GEMIN8: variants seen among roughly 807,000 people sequenced by gnomAD.
GEMIN8 encodes the protein gem-associated protein 8.
For missense variants in GEMIN8, 185 were observed against 205.9 expected (o/e 0.90, Z 0.62); for synonymous variants, 80 against 78.5 (o/e 1.02, Z -0.10).
chrX:13,985,163 T>G, the GEMIN8 span, among the ~76,000 whole-genome samples: 1 of 111,506 alleles, frequency 9.0e-6, no homozygotes, highest in Non-Finnish European at 1.9e-5. Flanking sequence ...TGAACATGCT[T>G]GGCTCAGGAT....
rs753986836 is a variant in GEMIN8 at position 14,020,086 on chromosome X, T to G, written c.464A>C (p.Glu155Ala). The G allele has an allele frequency of 8.5e-7, 1 of 1,178,357 alleles. No homozygotes were observed. Among genetic ancestry groups the G allele is most frequent in the South Asian group, 1.8e-5 (1 of 55,257 alleles). The change falls in exon 4 of 5, where the codon GAA becomes GCA. Residue 155 changes from glutamate (E) to alanine (A), a missense_variant. By Grantham distance (107) the Glu-to-Ala change is moderately radical (BLOSUM62 -1). Transcript: ENST00000680255. ...QYFAETERHR[E>A]ERRRQQQLDA... ...CAGAGGCCTGAACTTACGTCGTTCT[T>G]CTCTATGCCTCTCGGTCTCTGCAAA... is the stretch of plus-strand genomic sequence containing the variant.
intron 4 of GEMIN8, among the ~76,000 whole-genome samples, chrX:14,010,258 C>A (rs774335301): frequency 8.2e-4 from 91 of 111,644 alleles, no homozygotes; most frequent in African/African-American, 2.9e-3. Flanking sequence ...ATGGCAAGTC[C>A]CAATATCATA....
At chrX:13,989,629 C>T in the GEMIN8 span, among the ~76,000 whole-genome samples, 3 of 112,489 alleles carry the variant, frequency 2.7e-5, no homozygotes, top group African/African-American at 3.2e-5. Context: ...ATTTGTACAG[C>T]GTTGTTAGGT....
downstream of GEMIN8, among the ~76,000 whole-genome samples, chrX:14,002,316 A>G (rs1393276639): frequency 1.1e-5 from 1 of 92,584 alleles, no homozygotes; most frequent in Admixed American, 1.3e-4. Flanking sequence ...ATGGGTAGAG[A>G]TAGATAGATA....
chrX:14,020,340 A>C lies in GEMIN8; in HGVS notation c.210T>G (p.Ala70=). 8.3e-7 allele frequency: 1 copy of C among 1,210,471 alleles called. No homozygotes were observed. Among genetic ancestry groups the C allele is most frequent in the Non-Finnish European group, 1.1e-6 (1 of 894,000 alleles). ...LLPQSSYDNE[A]AYPQSFYDHH... is the part of the protein sequence containing the mutation. ...GGTCATAGAAGGACTGAGGATACGC[A>C]GCCTCATTATCGTAAGAGCTTTGGG... The change falls in exon 4 of 5, where the codon GCT becomes GCG. Residue 70 remains alanine, a synonymous_variant. Coordinates refer to ENST00000680255, the MANE Select transcript of GEMIN8 (RefSeq NM_001042479.2).
chrX:14,005,243 G>C (rs1242844412), downstream of GEMIN8, among the ~76,000 whole-genome samples: 1 of 110,834 alleles, frequency 9.0e-6, no homozygotes, highest in African/African-American at 3.3e-5. Context: ...CCAGCTGCCA[G>C]GGGAACCAAC....
In GEMIN8 at chrX:14,008,406, C is replaced by T. The variant is rs542239457; in HGVS notation, c.*507G>A. 8.7e-6 allele frequency: 1 copy of T among 115,402 alleles called. No homozygotes were observed. The highest frequency in any genetic ancestry group is 1.8e-5 in the Non-Finnish European group (1 of 55,753). The allele number at this position is 115,402 out of a possible 1,213,427, so 9.5% of individuals were successfully genotyped here. A position where few individuals can be genotyped will look rare whatever the true frequency, so the allele number is the denominator to read the frequency against. On this transcript the variant is annotated 3_prime_UTR_variant, in exon 5 of 5. Coordinates refer to ENST00000680255, the MANE Select transcript of GEMIN8 (RefSeq NM_001042479.2). ...AACACTGACCGTGTGGCTTGCAGTG[C>T]CAAAGATATTCACTCTCTGGCCCTT...
At chrX:14,009,795 A>G (rs1923413453) in intron 4 of GEMIN8, among the ~76,000 whole-genome samples, 2 of 111,933 alleles carry the variant, frequency 1.8e-5, no homozygotes, top group East Asian at 2.8e-4. Context: ...TGTTGCGAGC[A>G]GTGCTTACCA....
chrX:13,987,010 TA>T, the GEMIN8 span, among the ~76,000 whole-genome samples: 89 of 112,589 alleles, frequency 7.9e-4, no homozygotes, highest in African/African-American at 2.8e-3. Context: ...CTTTATGTCT[TA>T]TGGACTTTTT....
At chrX:14,002,793 C>T (rs958405916), downstream of GEMIN8, among the ~76,000 whole-genome samples, 3 of 112,070 alleles carry the variant, frequency 2.7e-5, no homozygotes, top group Non-Finnish European at 3.8e-5. Flanking sequence ...TGAGCCACCA[C>T]GCCCGGCCAA....
downstream of GEMIN8, among the ~76,000 whole-genome samples, chrX:14,002,097 CAAAAAAAAAAA>C (rs59550732): frequency 1.3e-4 from 3 of 23,632 alleles, no homozygotes; most frequent in African/African-American, 1.7e-4. Context: ...TGCACTCCAG[CAAAAAAAAAAA>C]AAAAAAAAAA....
chrX:13,992,673 TG>T, the GEMIN8 span, among the ~76,000 whole-genome samples: 1 of 111,260 alleles, frequency 9.0e-6, no homozygotes, highest in Non-Finnish European at 1.9e-5. Context: ...AGGAAGTCAA[TG>T]GGGCTGGAGC....
chrX:14,012,282 T>A (rs1480353936), intron 4 of GEMIN8, among the ~76,000 whole-genome samples: 1 of 98,304 alleles, frequency 1.0e-5, no homozygotes, highest in Non-Finnish European at 2.1e-5. Flanking sequence ...CACGCCTGGA[T>A]AATTTTTGTA....
intron 2 of GEMIN8, among the ~76,000 whole-genome samples, chrX:14,021,822 A>ATAC (rs1486558985): frequency 4.1e-5 from 2 of 49,176 alleles, no homozygotes; most frequent in South Asian, 8.7e-4. Flanking sequence ...GTGTATATAT[A>ATAC]TATATATATA....
chrX:13,984,305 T>C, the GEMIN8 span, among the ~76,000 whole-genome samples: 2 of 112,320 alleles, frequency 1.8e-5, no homozygotes, highest in Non-Finnish European at 3.8e-5. Flanking sequence ...ATTTGTGTTG[T>C]TTTAAGCTGC....
chrX:13,994,205 G>A, the GEMIN8 span, among the ~76,000 whole-genome samples: 1 of 112,072 alleles, frequency 8.9e-6, no homozygotes, highest in South Asian at 3.7e-4. Flanking sequence ...AGCCAGGTCT[G>A]AGAACCTCGC....
chrX:14,014,448 A>G, intron 4 of GEMIN8: 1 of 750,785 alleles, frequency 1.3e-6, no homozygotes, highest in East Asian at 1.5e-4. Flanking sequence ...TACTTTTACA[A>G]CAGAAGTGCA....
chrX:13,998,881 T>C, the GEMIN8 span, among the ~76,000 whole-genome samples: 3 of 112,264 alleles, frequency 2.7e-5, no homozygotes, highest in South Asian at 1.1e-3. Context: ...ATTACATACC[T>C]TGTAAAGGCT....
the GEMIN8 span, among the ~76,000 whole-genome samples, chrX:13,987,135 C>A: frequency 9.0e-6 from 1 of 111,596 alleles, no homozygotes; most frequent in Non-Finnish European, 1.9e-5. Context: ...ACTGCACTCA[C>A]TCCAGGGAGC....
Sources: allele counts gnomAD v4.1 joint callset (sites outside exome capture counted in the v4.1 genomes callset), GRCh38; gene constraint gnomAD v4.1.1; transcripts MANE v1.5; gene names NCBI Gene and HGNC (gene_info 2026-07-23, HGNC 2026-07-21).